The following YEATS2 variants were observed in gnomAD, a reference collection of about 807,000 sequenced individuals.
The protein encoded by YEATS2 is YEATS domain-containing protein 2.
YEATS2 carries 77 observed loss-of-function variants against 163.2 expected under a neutral mutation model. The ratio of observed to expected loss-of-function variants is 0.47; its 90% CI spans 0.39 to 0.57. The LOEUF (loss-of-function observed/expected upper bound fraction) is 0.57, where lower values mean the gene tolerates loss of function less well. Ranked by LOEUF, YEATS2 falls within the 20% of genes least tolerant of loss-of-function variation. The pLI, the probability that YEATS2 is intolerant of heterozygous loss-of-function variation, is 0.00. For missense variants in YEATS2, 1,549 were observed against 1,729.8 expected (o/e 0.90, Z 1.85); for synonymous variants, 631 against 645.1 (o/e 0.98, Z 0.33).
chr3:183,762,380 TC>T, intron 15 of YEATS2, 101 bp downstream of exon 15: 2 of 1,398,852 alleles, frequency 1.4e-6, no homozygotes, highest in Non-Finnish European at 1.9e-6. Context: ...GGGTTGATGA[TC>T]CCATAAGAAC....
chr3:183,731,612 G>A (rs1276347605), intron 7 of YEATS2, among the ~76,000 whole-genome samples: 1 of 152,182 alleles, frequency 6.6e-6, no homozygotes, highest in Non-Finnish European at 1.5e-5. Context: ...GGGCAGAGGT[G>A]TGGCAAGTCA....
intron 5 of YEATS2, among the ~76,000 whole-genome samples, chr3:183,723,008 T>G (rs988536970): frequency 6.6e-6 from 1 of 152,236 alleles, no homozygotes; most frequent in Non-Finnish European, 1.5e-5. Context: ...GCACAGCTCC[T>G]GGATGCTGTT....
chr3:183,730,052 G>GTTTGTTTTTT (rs1560244258), intron 7 of YEATS2, among the ~76,000 whole-genome samples: 13 of 41,718 alleles, frequency 3.1e-4, no homozygotes, highest in East Asian at 1.1e-3. Context: ...TTTTTTGTTT[G>GTTTGTTTTTT]TTTTTTTTTT....
chr3:183,748,594 T>C (rs1719819579), intron 9 of YEATS2, among the ~76,000 whole-genome samples: 1 of 151,776 alleles, frequency 6.6e-6, no homozygotes, highest in Admixed American at 6.6e-5. Context: ...TTCTCTTTTC[T>C]TCTTTTTCTC....
chr3:183,711,307 A>G (rs1373565472), intron 1 of YEATS2, among the ~76,000 whole-genome samples: 1 of 151,318 alleles, frequency 6.6e-6, no homozygotes, highest in Non-Finnish European at 1.5e-5. Context: ...CGTCTCCACA[A>G]AAATACAAAA....
At chr3:183,800,081 C>G (rs1269619053) in intron 23 of YEATS2, among the ~76,000 whole-genome samples, 1 of 152,170 alleles carries the variant, frequency 6.6e-6, no homozygotes, top group Non-Finnish European at 1.5e-5. Flanking sequence ...ATCCGCCCAC[C>G]TCGGCCTCCC....
At chr3:183,793,109 G>C (rs546156137) in intron 21 of YEATS2, 5 of 1,272,894 alleles carry the variant, frequency 3.9e-6, no homozygotes, top group Non-Finnish European at 5.1e-6. Context: ...GTATTATCTT[G>C]TTGCAGATTG....
chr3:183,755,383 C>T (rs963803018), intron 11 of YEATS2, among the ~76,000 whole-genome samples: 1 of 152,122 alleles, frequency 6.6e-6, no homozygotes, highest in Admixed American at 6.6e-5. Flanking sequence ...TCCCAAAGTG[C>T]TCCGGTTACA....
At chr3:183,767,868 A>T (rs1722066208) in intron 15 of YEATS2, among the ~76,000 whole-genome samples, 1 of 152,166 alleles carries the variant, frequency 6.6e-6, no homozygotes, top group Non-Finnish European at 1.5e-5. Context: ...ATATCCTGAA[A>T]ACTCTGAAGC....
intron 24 of YEATS2, 41 bp from the exon 25 acceptor site, chr3:183,801,414 G>A (rs979888019): frequency 6.9e-7 from 1 of 1,457,706 alleles, no homozygotes; most frequent in Admixed American, 1.8e-5. Context: ...ACTGCTACAT[G>A]TATTTAATTT....
Position 183,800,695 on chromosome 3 carries a change from G to A in YEATS2, c.3428+127G>A, listed in dbSNP as rs1051033342. 4.4e-5 allele frequency: 31 copies of A among 706,138 alleles called. No homozygotes were observed. The East Asian group carries it at 7.8e-4, about 18-fold the overall frequency. The allele number at this position is 706,138 out of a possible 1,614,324, so 43.7% of individuals were successfully genotyped here. A position where few individuals can be genotyped will look rare whatever the true frequency, so the allele number is the denominator to read the frequency against. ...TTGACGGGAGGAACTGTCTGTCCCC[G>A]TGCAGTGGACAAGTGTTACCACTTG... On this transcript the variant is annotated intron_variant, in intron 24 of 30. Coordinates refer to ENST00000305135, the MANE Select transcript of YEATS2 (RefSeq NM_018023.5).
chr3:183,793,219 C>T lies in YEATS2; in HGVS notation c.3097+2239C>T, dbSNP rs1179548305. On this transcript the variant is annotated intron_variant, in intron 21 of 30. Transcript: ENST00000305135. ...GCATGCAGACAACACCCCTTACTGCCTTTGGATAAGAGGCTGTGGATGTTG... is the reference window on the plus strand; with the variant it reads ...GCATGCAGACAACACCCCTTACTGCTTTTGGATAAGAGGCTGTGGATGTTG... 12 of 1,249,320 alleles carry T rather than the reference C, an allele frequency of 9.6e-6. No individual in the cohort carries two copies. The East Asian group carries it at 6.9e-4, about 72-fold the overall frequency. The allele number at this position is 1,249,320 out of a possible 1,614,324, so 77.4% of individuals were successfully genotyped here. A position where few individuals can be genotyped will look rare whatever the true frequency, so the allele number is the denominator to read the frequency against.
rs75129248 is a variant in YEATS2, at chr3:183,754,373, G to A, written c.1390+8G>A. On this transcript the variant is annotated splice_region_variant and intron_variant, in intron 11 of 30. Coordinates refer to ENST00000305135, the MANE Select transcript of YEATS2 (RefSeq NM_018023.5). The stretch of plus-strand genomic sequence containing the variant: ...GCTGCAAGATTGTGTCAGGTATGCA[G>A]ATGTTTTGAAGACAGTGTATGTGGA... 2 of 1,610,460 alleles carry A rather than the reference G, an allele frequency of 1.2e-6. No individual in the cohort carries two copies. The highest frequency in any genetic ancestry group is 1.7e-6 in the Non-Finnish European group (2 of 1,177,134).
chr3:183,713,997 G>A (rs1483940422), intron 1 of YEATS2, among the ~76,000 whole-genome samples: 1 of 152,006 alleles, frequency 6.6e-6, no homozygotes, highest in Admixed American at 6.5e-5. Flanking sequence ...TAGAGATGGG[G>A]TTTCACCATA....
At chr3:183,758,833 T>G (rs1162490660) in intron 12 of YEATS2, 29 bp from the exon 13 acceptor site, 1 of 1,424,740 alleles carries the variant, frequency 7.0e-7, no homozygotes, top group East Asian at 2.3e-5. Context: ...TTTACTTTGT[T>G]TATGTTTTAA....
intron 20 of YEATS2, among the ~76,000 whole-genome samples, chr3:183,789,095 G>A (rs1724342481): frequency 6.6e-6 from 1 of 152,038 alleles, no homozygotes; most frequent in South Asian, 2.1e-4. Flanking sequence ...TTTGTTGATT[G>A]TTTTCTTTGC....
chr3:183,796,564 A>G (rs1256080596), intron 21 of YEATS2, among the ~76,000 whole-genome samples: 2 of 150,508 alleles, frequency 1.3e-5, no homozygotes, highest in Non-Finnish European at 2.9e-5. Context: ...ACAGATGCAC[A>G]TACTAGATAT....
At chr3:183,764,368 TAAAAAAAAAAAA>T (rs11452949) in intron 15 of YEATS2, among the ~76,000 whole-genome samples, 4 of 105,236 alleles carry the variant, frequency 3.8e-5, no homozygotes, top group South Asian at 7.0e-4. Flanking sequence ...AAACTCTGTT[TAAAAAAAAAAAA>T]AAAAAAAAAA....
chr3:183,712,039 C>T (rs1214484474), intron 1 of YEATS2, among the ~76,000 whole-genome samples: 3 of 151,188 alleles, frequency 2.0e-5, no homozygotes, highest in Non-Finnish European at 2.9e-5. Context: ...AGGCTGGTCT[C>T]GAACTCCTGA....
Sources: gnomAD v4.1 joint callset for allele counts (sites outside exome capture counted in the v4.1 genomes callset) on GRCh38, gnomAD v4.1.1 for gene constraint, MANE v1.5 for transcripts, NCBI Gene and HGNC (gene_info 2026-07-23, HGNC 2026-07-21) for gene names.